The following SHISAL1 variants were observed in gnomAD, a reference collection of about 807,000 sequenced individuals.
SHISAL1 encodes the protein shisa like 1, also known as protein shisa-like-1.
In SHISAL1, 9 loss-of-function variants were observed where a neutral mutation model predicts 22.6. The observed-to-expected ratio is 0.40, with a 90% CI of 0.24 to 0.70. SHISAL1 has a LOEUF of 0.70. Ranked by LOEUF, SHISAL1 falls within the 30% of genes least tolerant of loss-of-function variation. SHISAL1 has a pLI of 0.39. For synonymous variants in SHISAL1, 119 were observed against 115.4 expected, an observed-to-expected ratio of 1.03 and a Z score of -0.20; for missense variants, 246 against 270.6, an observed-to-expected ratio of 0.91 and a Z score of 0.64.
chr22:44,325,861 C>T, the SHISAL1 span, among the ~76,000 whole-genome samples: 2 of 151,932 alleles, frequency 1.3e-5, no homozygotes, highest in South Asian at 2.1e-4. Flanking sequence ...CCGAAATGCC[C>T]CTCTGCCTTC....
chr22:44,325,793 C>A, the SHISAL1 span, among the ~76,000 whole-genome samples: 2 of 151,946 alleles, frequency 1.3e-5, no homozygotes, highest in Non-Finnish European at 2.9e-5. Context: ...ACCTTCATAA[C>A]GAGAAGCCAC....
At position 44,245,153 on chromosome 22, in the gene SHISAL1, A is replaced by ATGAT. The variant is rs1162541462; in HGVS notation, c.*4528_*4531dup. The ATGAT allele has an allele frequency of 5.3e-5, 8 of 152,378 alleles. No homozygotes were observed. Among genetic ancestry groups the ATGAT allele is most frequent in the Non-Finnish European group, 7.3e-5 (5 of 68,056 alleles). The allele number at this position is 152,378 out of a possible 1,614,324, so 9.4% of individuals were successfully genotyped here. ...CTCTGATGCCCACCACGTGAGCAGGATGATTAAGAATTCCTGCAGTTTGCT... is the reference window on the plus strand; with the variant it reads ...CTCTGATGCCCACCACGTGAGCAGGATGATTGATTAAGAATTCCTGCAGTTTGCT... On this transcript the variant is annotated 3_prime_UTR_variant, in exon 5 of 5. Coordinates refer to ENST00000381176, the MANE Select transcript of SHISAL1 (RefSeq NM_001099294.2).
At chr22:44,323,279 AT>A in the SHISAL1 span, among the ~76,000 whole-genome samples, 20 of 141,288 alleles carry the variant, frequency 1.4e-4, no homozygotes, top group East Asian at 4.5e-4. Flanking sequence ...CCATCCATCC[AT>A]CCATCCACCT....
chr22:44,266,210 T>C (rs1243546279), intron 4 of SHISAL1, among the ~76,000 whole-genome samples: 2 of 152,208 alleles, frequency 1.3e-5, no homozygotes, highest in Non-Finnish European at 2.9e-5. Flanking sequence ...GTAACAACGC[T>C]TGGCACACAG....
At chr22:44,286,486 C>G (rs2055316702) in intron 3 of SHISAL1, among the ~76,000 whole-genome samples, 1 of 152,220 alleles carries the variant, frequency 6.6e-6, no homozygotes, top group Non-Finnish European at 1.5e-5. Context: ...GCCGACTCCA[C>G]TGCAGACAGG....
intron 3 of SHISAL1, among the ~76,000 whole-genome samples, chr22:44,291,181 C>T (rs763269628): frequency 2.6e-5 from 4 of 152,210 alleles, no homozygotes; most frequent in Non-Finnish European, 5.9e-5. Flanking sequence ...ACAGCAGGGC[C>T]ATCCTACCCG....
upstream of SHISAL1, among the ~76,000 whole-genome samples, chr22:44,314,001 T>C (rs1352201284): frequency 1.3e-5 from 2 of 152,146 alleles, no homozygotes; most frequent in Non-Finnish European, 1.5e-5. Context: ...GAGTGCCTGA[T>C]GCAGCCTGAC....
At chr22:44,295,704 A>T (rs2147298037) in intron 3 of SHISAL1, among the ~76,000 whole-genome samples, 1 of 152,326 alleles carries the variant, frequency 6.6e-6, no homozygotes, top group African/African-American at 2.4e-5. Flanking sequence ...ATAAGAAAAA[A>T]ACAAAAACTT....
intron 1 of SHISAL1, among the ~76,000 whole-genome samples, chr22:44,305,038 G>T (rs1312142498): frequency 1.3e-5 from 2 of 152,128 alleles, no homozygotes; most frequent in Non-Finnish European, 1.5e-5. Flanking sequence ...TTCACCCCTG[G>T]GGGGTACTCT....
At chr22:44,308,736 T>C (rs1408671012) in intron 1 of SHISAL1, among the ~76,000 whole-genome samples, 4 of 152,110 alleles carry the variant, frequency 2.6e-5, no homozygotes, top group African/African-American at 4.8e-5. Flanking sequence ...GTGTCCTAAC[T>C]TGAGAGTGAG....
At chr22:44,290,525 GTC>G (rs2055345145) in intron 3 of SHISAL1, among the ~76,000 whole-genome samples, 1 of 103,210 alleles carries the variant, frequency 9.7e-6, no homozygotes, top group Non-Finnish European at 2.1e-5. Context: ...GGGAAACTCA[GTC>G]TCAAAAAAAA....
the SHISAL1 span, among the ~76,000 whole-genome samples, chr22:44,327,921 A>C: frequency 6.6e-6 from 1 of 152,256 alleles, no homozygotes; most frequent in South Asian, 2.1e-4. Flanking sequence ...CAATTGTTTC[A>C]GTAACTTCTG....
chr22:44,307,953 T>C (rs1601807018), intron 1 of SHISAL1, among the ~76,000 whole-genome samples: 1 of 152,134 alleles, frequency 6.6e-6, no homozygotes, highest in Non-Finnish European at 1.5e-5. Flanking sequence ...CCTACAGCAC[T>C]GGGGGCTTCC....
chr22:44,314,310 A>T (rs564015421), upstream of SHISAL1, among the ~76,000 whole-genome samples: 3 of 152,124 alleles, frequency 2.0e-5, no homozygotes, highest in Non-Finnish European at 4.4e-5. Context: ...AAGGGCTCTG[A>T]GCTTGGGGTT....
At chr22:44,263,465 A>G (rs115269711) in intron 4 of SHISAL1, among the ~76,000 whole-genome samples, 1,688 of 152,334 alleles carry the variant, frequency 0.011, 25 homozygotes, top group African/African-American at 0.039. Context: ...CAGACAGTAC[A>G]GGGACATCAA....
chr22:44,304,004 C>T lies in SHISAL1; in HGVS notation c.-32-3027G>A, dbSNP rs553869344. Among the ~76,000 whole-genome samples, 34 of 152,340 alleles carry T rather than the reference C, an allele frequency of 2.2e-4. No homozygotes were observed. The South Asian group carries it at 6.4e-3, about 29-fold the overall frequency. ...AGTGCAGGGATCTGCTGCCAGACCACACGTTTCTGAAAGAAGAGATGGTGG... is the reference window on the plus strand; with the variant it reads ...AGTGCAGGGATCTGCTGCCAGACCATACGTTTCTGAAAGAAGAGATGGTGG... On this transcript the variant is annotated intron_variant, in intron 1 of 4. Transcript: ENST00000381176.
rs551954882 is a variant in SHISAL1 at position 44,245,736 on chromosome 22, T to C, written c.*3949A>G. On this transcript the variant is annotated 3_prime_UTR_variant, in exon 5 of 5. Coordinates refer to ENST00000381176, the MANE Select transcript of SHISAL1 (RefSeq NM_001099294.2). Reference sequence around the variant, plus strand: ...GTTTGCCATGACCTGAAGAGAGCTTTTGGGTTGACGGTGAACTGGAAACCA... The same window carrying C: ...GTTTGCCATGACCTGAAGAGAGCTTCTGGGTTGACGGTGAACTGGAAACCA... The C allele has an allele frequency of 6.6e-6, 1 of 152,386 alleles. No homozygotes were observed. The highest frequency in any genetic ancestry group is 2.4e-5 in the African/African-American group (1 of 41,552). The allele number at this position is 152,386 out of a possible 1,614,324, so 9.4% of individuals were successfully genotyped here.
chr22:44,256,843 T>C (rs1286722248), intron 4 of SHISAL1, among the ~76,000 whole-genome samples: 1 of 151,980 alleles, frequency 6.6e-6, no homozygotes. Flanking sequence ...CTCCAAGAAA[T>C]GGATCAATTT....
the SHISAL1 span, among the ~76,000 whole-genome samples, chr22:44,329,953 G>A: frequency 4.6e-5 from 7 of 152,210 alleles, no homozygotes; most frequent in African/African-American, 9.6e-5. Flanking sequence ...AGAACCAGGC[G>A]AGGAAACAAA....
Sources: allele counts gnomAD v4.1 joint callset (sites outside exome capture counted in the v4.1 genomes callset), GRCh38; gene constraint gnomAD v4.1.1; transcripts MANE v1.5; gene names NCBI Gene and HGNC (gene_info 2026-07-23, HGNC 2026-07-21).